Variants in SLX4IP observed in about 807,000 individuals in gnomAD.
SLX4IP encodes the protein protein SLX4IP.
SLX4IP carries 34 observed loss-of-function variants against 32.9 expected under a neutral mutation model. The ratio of observed to expected loss-of-function variants is 1.03; its 90% CI spans 0.79 to 1.38. SLX4IP has a LOEUF of 1.38. Among genes scored for constraint, SLX4IP ranks in the 40% most tolerant of loss-of-function variants. The pLI, the probability that SLX4IP is intolerant of heterozygous loss-of-function variation, is 0.00. For missense variants in SLX4IP, 444 were observed against 479.0 expected (o/e 0.93, Z 0.68); for synonymous variants, 172 against 171.7 (o/e 1.00, Z -0.01).
At chr20:10,511,277 A>T (rs1056255850) in intron 2 of SLX4IP, among the ~76,000 whole-genome samples, 6 of 152,208 alleles carry the variant, frequency 3.9e-5, no homozygotes, top group Admixed American at 1.3e-4. Context: ...TTTCTTCATC[A>T]TAGTCTCAGA....
At chr20:10,488,221 G>A (rs2122391971) in intron 2 of SLX4IP, among the ~76,000 whole-genome samples, 1 of 152,220 alleles carries the variant, frequency 6.6e-6, no homozygotes, top group Admixed American at 6.5e-5. Context: ...AGGTAAATGA[G>A]GTCACTAGGG....
chr20:10,445,814 C>T (rs1252367013), intron 1 of SLX4IP, among the ~76,000 whole-genome samples: 1 of 150,742 alleles, frequency 6.6e-6, no homozygotes, highest in Non-Finnish European at 1.5e-5. Context: ...TTAGTAGAAA[C>T]AGGGTTTCAC....
intron 2 of SLX4IP, among the ~76,000 whole-genome samples, chr20:10,465,507 C>A (rs2065373284): frequency 6.6e-6 from 1 of 152,138 alleles, no homozygotes; most frequent in South Asian, 2.1e-4. Flanking sequence ...TTTTATTTAT[C>A]TATTTTTTTG....
intron 2 of SLX4IP, among the ~76,000 whole-genome samples, chr20:10,474,639 G>A (rs912724757): frequency 1.2e-4 from 19 of 152,218 alleles, no homozygotes; most frequent in African/African-American, 2.4e-4. Context: ...ATGGGCCTTG[G>A]GGGCCTGGGC....
intron 2 of SLX4IP, among the ~76,000 whole-genome samples, chr20:10,486,199 T>TC (rs1294812186): frequency 2.0e-5 from 3 of 151,854 alleles, no homozygotes; most frequent in Non-Finnish European, 4.4e-5. Context: ...TTTTTTTTTT[T>TC]TTTACTAGGT....
At chr20:10,533,702 C>G (rs972849442) in intron 2 of SLX4IP, among the ~76,000 whole-genome samples, 16 of 150,116 alleles carry the variant, frequency 1.1e-4, no homozygotes, top group Non-Finnish European at 2.4e-4. Flanking sequence ...TCACTGCAAG[C>G]TCCACCTCCC....
At chr20:10,440,322 G>A (rs1304665276) in intron 1 of SLX4IP, among the ~76,000 whole-genome samples, 2 of 151,834 alleles carry the variant, frequency 1.3e-5, no homozygotes, top group Non-Finnish European at 2.9e-5. Context: ...GGGCATGGTG[G>A]TGCACACCTG....
rs572258175 is a variant in SLX4IP at position 10,590,930 on chromosome 20, A to G, written c.239-7745A>G. Reference sequence around the variant, plus strand: ...TAAAGCTACGTTGGCTCTCAGAGACATATTATTTGGACCACACAATATATT... The same window carrying G: ...TAAAGCTACGTTGGCTCTCAGAGACGTATTATTTGGACCACACAATATATT... On this transcript the variant is annotated intron_variant, in intron 4 of 7. Transcript: ENST00000334534. 3.3e-5 allele frequency among the ~76,000 whole-genome samples: 5 copies of G among 152,356 alleles called. No individual in the cohort carries two copies. The East Asian group carries it at 9.6e-4, about 29-fold the overall frequency.
chr20:10,618,150 G>C (rs1412193370), intron 6 of SLX4IP, among the ~76,000 whole-genome samples: 1 of 152,106 alleles, frequency 6.6e-6, no homozygotes, highest in Non-Finnish European at 1.5e-5. Flanking sequence ...CCTTCCCCTT[G>C]GTTCTGTACT....
At chr20:10,605,676 C>A (rs994027519) in intron 6 of SLX4IP, among the ~76,000 whole-genome samples, 2 of 152,136 alleles carry the variant, frequency 1.3e-5, no homozygotes, top group Non-Finnish European at 2.9e-5. Context: ...GAGTTATCTG[C>A]CTTATACTCT....
intron 4 of SLX4IP, among the ~76,000 whole-genome samples, chr20:10,588,659 G>C (rs1034642297): frequency 2.6e-5 from 4 of 152,188 alleles, no homozygotes; most frequent in Non-Finnish European, 5.9e-5. Context: ...GCCAGACATA[G>C]ACAAATACTG....
chr20:10,503,137 C>T (rs2065733109), intron 2 of SLX4IP, among the ~76,000 whole-genome samples: 1 of 152,164 alleles, frequency 6.6e-6, no homozygotes. Flanking sequence ...CTCCCACATT[C>T]CCTTATATCA....
At chr20:10,596,653 C>CT (rs577602381) in intron 4 of SLX4IP, among the ~76,000 whole-genome samples, 1 of 151,706 alleles carries the variant, frequency 6.6e-6, no homozygotes, top group Non-Finnish European at 1.5e-5. Context: ...AGATATTATA[C>CT]TTTTTTTTTC....
At chr20:10,583,908 A>G (rs759088767) in intron 4 of SLX4IP, among the ~76,000 whole-genome samples, 5 of 152,224 alleles carry the variant, frequency 3.3e-5, no homozygotes, top group Non-Finnish European at 5.9e-5. Flanking sequence ...AGATAAAAAT[A>G]TCAAGGTAAT....
intron 2 of SLX4IP, among the ~76,000 whole-genome samples, chr20:10,506,342 G>T (rs2065759564): frequency 6.6e-6 from 1 of 152,182 alleles, no homozygotes; most frequent in African/African-American, 2.4e-5. Context: ...AAGGAAAATG[G>T]GTGGCTGGAT....
At chr20:10,518,796 C>CT (rs2065881092) in intron 2 of SLX4IP, among the ~76,000 whole-genome samples, 1 of 151,952 alleles carries the variant, frequency 6.6e-6, no homozygotes, top group South Asian at 2.1e-4. Flanking sequence ...TCTCGAACTC[C>CT]TGAGTTCAAG....
At chr20:10,599,666 G>A (rs2066818740) in intron 5 of SLX4IP, among the ~76,000 whole-genome samples, 1 of 151,960 alleles carries the variant, frequency 6.6e-6, no homozygotes, top group Non-Finnish European at 1.5e-5. Flanking sequence ...TAAGGTGCTG[G>A]GATTACAGGC....
At chr20:10,576,526 C>T (rs1400256842) in intron 4 of SLX4IP, among the ~76,000 whole-genome samples, 2 of 152,158 alleles carry the variant, frequency 1.3e-5, no homozygotes, top group Admixed American at 6.5e-5. Flanking sequence ...GGAAACTTGG[C>T]CTGATCTGTT....
chr20:10,533,575 C>T (rs974857947), intron 2 of SLX4IP, among the ~76,000 whole-genome samples: 2 of 150,550 alleles, frequency 1.3e-5, no homozygotes, highest in African/African-American at 4.9e-5. Context: ...GCCTCAGCCT[C>T]CCAAAGTGCT....
Sources: gnomAD v4.1 joint callset for allele counts (sites outside exome capture counted in the v4.1 genomes callset) on GRCh38, gnomAD v4.1.1 for gene constraint, MANE v1.5 for transcripts, NCBI Gene and HGNC (gene_info 2026-07-23, HGNC 2026-07-21) for gene names.